The following ZNF326 variants were observed in gnomAD, a reference collection of about 807,000 sequenced individuals.
ZNF326 encodes the protein DBIRD complex subunit ZNF326.
A neutral mutation model predicts 63.1 loss-of-function variants in ZNF326; 30 were observed. The observed-to-expected ratio is 0.48, with a 90% CI of 0.36 to 0.64. The LOEUF (loss-of-function observed/expected upper bound fraction) is 0.64. ZNF326 is among the 30% of genes least tolerant of loss of function. The probability of loss-of-function intolerance (pLI) is 0.00; values close to 1 mark genes in which losing one functional copy is unlikely to be tolerated. For missense variants in ZNF326, 609 were observed against 720.3 expected (o/e 0.85, Z 1.77); for synonymous variants, 194 against 228.2 (o/e 0.85, Z 1.35).
intron 9 of ZNF326, 87 bp from the exon 10 acceptor site, chr1:90,020,705 A>G: frequency 3.7e-6 from 5 of 1,342,438 alleles, no homozygotes; most frequent in Non-Finnish European, 5.1e-6. Flanking sequence ...AAGGGGTATA[A>G]ATAATCATGG....
At chr1:90,014,813 A>G (rs1649423267) in intron 7 of ZNF326, among the ~76,000 whole-genome samples, 1 of 152,184 alleles carries the variant, frequency 6.6e-6, no homozygotes, top group Non-Finnish European at 1.5e-5. Context: ...TAGAAGTAAC[A>G]GGCATAGTTA....
At chr1:90,011,148 C>T (rs1649213117) in intron 6 of ZNF326, among the ~76,000 whole-genome samples, 2 of 152,080 alleles carry the variant, frequency 1.3e-5, no homozygotes, top group South Asian at 4.1e-4. Flanking sequence ...TGTATCCCTC[C>T]CCCATACCCC....
At chr1:90,017,576 A>G (rs1271543730) in intron 8 of ZNF326, 112 bp downstream of exon 8, 2 of 975,780 alleles carry the variant, frequency 2.0e-6, no homozygotes, top group South Asian at 1.9e-5. Context: ...TTAATTTACT[A>G]TTTAAAGAAA....
chr1:90,032,407 A>G lies in ZNF326; in HGVS notation c.*4706A>G, dbSNP rs1650316719. The G allele has an allele frequency of 1.3e-5, 2 of 152,210 alleles. No homozygotes were observed. Among genetic ancestry groups the G allele is most frequent in the Admixed American group, 6.5e-5 (1 of 15,286 alleles). The allele number at this position is 152,210 out of a possible 1,614,324, so 9.4% of individuals were successfully genotyped here. A position where few individuals can be genotyped will look rare whatever the true frequency, so the allele number is the denominator to read the frequency against. On this transcript the variant is annotated 3_prime_UTR_variant, in exon 12 of 12. Coordinates refer to ENST00000340281, the MANE Select transcript of ZNF326 (RefSeq NM_182976.4). ...CTATGGGTAGCTTATTTATTAGATC[A>G]GTATAAAGTATAGATTTAAGAGAGT...
At position 90,035,369 on chromosome 1, in the gene ZNF326, T is replaced by A. The variant is rs1434286523; in HGVS notation, c.*7668T>A. On this transcript the variant is annotated 3_prime_UTR_variant, in exon 12 of 12. Transcript: ENST00000340281. ...AAATCTGTACTATATAGAAAATCTG[T>A]ATATAGAATATAGCATTGGCCAATT... The A allele has an allele frequency of 2.6e-5, 4 of 152,200 alleles. No individual in the cohort carries two copies. The highest frequency in any genetic ancestry group is 5.9e-5 in the Non-Finnish European group (4 of 68,014). 9.4% of individuals were successfully genotyped at this position (152,200 alleles called of 1,614,324 possible). A position where few individuals can be genotyped will look rare whatever the true frequency, so the allele number is the denominator to read the frequency against.
rs982489835 is a variant in ZNF326, at chr1:89,995,129, G to T, written c.-129G>T. 2 of 1,187,500 alleles carry T rather than the reference G, an allele frequency of 1.7e-6. No homozygotes were observed. The highest frequency in any genetic ancestry group is 2.8e-5 in the South Asian group (2 of 70,840). The allele number at this position is 1,187,500 out of a possible 1,614,324, so 73.6% of individuals were successfully genotyped here. A position where few individuals can be genotyped will look rare whatever the true frequency, so the allele number is the denominator to read the frequency against. ...CTCCCCAGCCTCGCTGTGGCCTGCG[G>T]CTCCCGGGCTGGTAGCGCGCCGCTC... On this transcript the variant is annotated 5_prime_UTR_variant, in exon 1 of 12. Transcript: ENST00000340281.
intron 9 of ZNF326, among the ~76,000 whole-genome samples, chr1:90,019,200 C>CA (rs1557527179): frequency 6.6e-6 from 1 of 151,702 alleles, no homozygotes; most frequent in African/African-American, 2.4e-5. Flanking sequence ...ACTAACCAAA[C>CA]AAAAAACAGC....
In ZNF326 at chr1:90,030,200, A is replaced by G. The variant is rs181154676; in HGVS notation, c.*2499A>G. On this transcript the variant is annotated 3_prime_UTR_variant, in exon 12 of 12. Transcript: ENST00000340281. The stretch of plus-strand genomic sequence containing the variant: ...CCAAAATTTATCTGCCGACTCTTCT[A>G]CCTCCACTGCAACCAACCCAGTTCA... 6.6e-6 allele frequency: 1 copy of G among 152,288 alleles called. No individual in the cohort carries two copies. Among genetic ancestry groups the G allele is most frequent in the African/African-American group, 2.4e-5 (1 of 41,550 alleles). The allele number at this position is 152,288 out of a possible 1,614,324, so 9.4% of individuals were successfully genotyped here.
chr1:90,001,939 C>T (rs1397300890), intron 2 of ZNF326, among the ~76,000 whole-genome samples: 4 of 151,918 alleles, frequency 2.6e-5, no homozygotes, highest in South Asian at 4.2e-4. Flanking sequence ...CATTTTTGAG[C>T]GTATTATTTG....
In ZNF326 at chr1:90,017,401, G is replaced by A; in HGVS notation, c.1011G>A (p.Gln337=). 1 of 1,606,486 alleles carries A rather than the reference G, an allele frequency of 6.2e-7. No individual in the cohort carries two copies. Among genetic ancestry groups the A allele is most frequent in the Admixed American group, 1.7e-5 (1 of 58,388 alleles). The change falls in exon 8 of 12, where the codon CAG becomes CAA. Residue 337 remains glutamine (Q), a synonymous_variant. Coordinates refer to ENST00000340281, the MANE Select transcript of ZNF326 (RefSeq NM_182976.4). ...IELHLESSSH[Q]ETLDHIQKQT... ...TGCATCTGGAAAGTTCTTCACATCA[G>A]GAAACATTAGATCATATACAGAAAC...
intron 11 of ZNF326, among the ~76,000 whole-genome samples, chr1:90,026,381 A>G (rs536387775): frequency 1.7e-3 from 263 of 152,194 alleles, no homozygotes; most frequent in Middle Eastern, 3.4e-3. Context: ...CCCTGGCTTC[A>G]CCAATGCACT....
chr1:90,011,758 A>G (rs192961637), intron 6 of ZNF326, among the ~76,000 whole-genome samples: 1 of 152,360 alleles, frequency 6.6e-6, no homozygotes, highest in East Asian at 1.9e-4. Flanking sequence ...TAGACTGTCC[A>G]TATGATCCAG....
Position 90,007,862 on chromosome 1 carries a change from G to A in ZNF326, c.615+112G>A. 5 of 1,089,712 alleles carry A rather than the reference G, an allele frequency of 4.6e-6. No homozygotes were observed. The highest frequency in any genetic ancestry group is 6.0e-6 in the Non-Finnish European group (5 of 829,450). The allele number at this position is 1,089,712 out of a possible 1,614,324, so 67.5% of individuals were successfully genotyped here. On this transcript the variant is annotated intron_variant, in intron 5 of 11. Transcript: ENST00000340281. The surrounding 1 kb of genome is among the most constrained non-coding windows in gnomAD (Gnocchi z 4.9). ...ACTGTTCATCCCGGTGTATTTTGAAGCAAAAGCTGAGTCATAAACATAATT... is the reference window on the plus strand; with the variant it reads ...ACTGTTCATCCCGGTGTATTTTGAAACAAAAGCTGAGTCATAAACATAATT...
chr1:90,001,773 GTCTTGAACTCC>G (rs1648696197), intron 2 of ZNF326, among the ~76,000 whole-genome samples: 1 of 152,136 alleles, frequency 6.6e-6, no homozygotes, highest in African/African-American at 2.4e-5. Context: ...GGTCAGGCTG[GTCTTGAACTCC>G]TGACCTCAGG....
At chr1:90,014,879 T>G (rs1339621594) in intron 7 of ZNF326, among the ~76,000 whole-genome samples, 1 of 152,148 alleles carries the variant, frequency 6.6e-6, no homozygotes, top group Non-Finnish European at 1.5e-5. Flanking sequence ...GTAAAAATCA[T>G]TTTACATTAT....
chr1:90,019,357 G>C (rs1335052826), intron 9 of ZNF326, among the ~76,000 whole-genome samples: 1 of 152,060 alleles, frequency 6.6e-6, no homozygotes, highest in Non-Finnish European at 1.5e-5. Context: ...ATTACATTAA[G>C]CTAATTAAAC....
chr1:90,010,648 C>G (rs1414642391), intron 6 of ZNF326, among the ~76,000 whole-genome samples: 1 of 152,116 alleles, frequency 6.6e-6, no homozygotes, highest in African/African-American at 2.4e-5. Flanking sequence ...AAGTCCTGTT[C>G]TTAAACCTCC....
At chr1:90,004,877 G>T in intron 2 of ZNF326, 126 bp from the exon 3 acceptor site, 3 of 381,526 alleles carry the variant, frequency 7.9e-6, no homozygotes, top group Non-Finnish European at 1.2e-5. Context: ...CATTTAGTGT[G>T]AATTTAGTTT....
At chr1:90,004,943 CA>C (rs1304842803) in intron 2 of ZNF326, 59 bp from the exon 3 acceptor site, 10 of 1,476,952 alleles carry the variant, frequency 6.8e-6, no homozygotes, top group Non-Finnish European at 8.5e-6. Context: ...GTGTTTTGTG[CA>C]AAGATCCCTG....
Sources: gnomAD v4.1 joint callset for allele counts (sites outside exome capture counted in the v4.1 genomes callset) on GRCh38, gnomAD v4.1.1 for gene constraint, Gnocchi (gnomAD v3.1) non-coding constraint, MANE v1.5 for transcripts, NCBI Gene and HGNC (gene_info 2026-07-23, HGNC 2026-07-21) for gene names.